Variants in MAPRE2 observed in about 807,000 individuals in gnomAD.
The protein encoded by MAPRE2 is microtubule associated protein RP/EB family member 2.
MAPRE2 carries 13 observed loss-of-function variants against 43.2 expected under a neutral mutation model. That is an observed-to-expected ratio of 0.30 (90% CI 0.20 to 0.48). The LOEUF is 0.48. MAPRE2 is among the 20% of genes least tolerant of loss of function. The pLI is 0.99. For missense variants in MAPRE2, 161 were observed against 400.2 expected, an observed-to-expected ratio of 0.40 and a Z score of 5.10; for synonymous variants, 135 against 148.8, an observed-to-expected ratio of 0.91 and a Z score of 0.68.
intron 1 of MAPRE2, among the ~76,000 whole-genome samples, chr18:35,053,413 T>TA (rs988626883): frequency 6.7e-6 from 1 of 148,994 alleles, no homozygotes; most frequent in Non-Finnish European, 1.5e-5. Flanking sequence ...AAAATAAAAA[T>TA]AAAAAAACAG....
At chr18:35,014,173 C>T (rs1054094246) in intron 2 of MAPRE2, among the ~76,000 whole-genome samples, 1 of 152,018 alleles carries the variant, frequency 6.6e-6, no homozygotes, top group African/African-American at 2.4e-5. Context: ...GGCTTCAATA[C>T]CTTCTATAAA....
intron 2 of MAPRE2, among the ~76,000 whole-genome samples, chr18:35,034,038 A>C (rs921447796): frequency 6.6e-6 from 1 of 152,122 alleles, no homozygotes; most frequent in Admixed American, 6.6e-5. Flanking sequence ...GGAACCAAAA[A>C]AGAGCCCACA....
chr18:35,121,648 A>G (rs1278248425), intron 4 of MAPRE2, among the ~76,000 whole-genome samples: 6 of 152,186 alleles, frequency 3.9e-5, no homozygotes, highest in African/African-American at 1.4e-4. Context: ...AAAAATCTAT[A>G]TCTGTATTAC....
At chr18:35,111,222 A>G (rs963987823) in intron 4 of MAPRE2, among the ~76,000 whole-genome samples, 2 of 151,894 alleles carry the variant, frequency 1.3e-5, no homozygotes, top group Non-Finnish European at 2.9e-5. Flanking sequence ...TCTTCATTCT[A>G]CTGTTGTAGA....
At chr18:35,040,861 T>C (rs1007106288), upstream of MAPRE2, among the ~76,000 whole-genome samples, 1 of 152,238 alleles carries the variant, frequency 6.6e-6, no homozygotes, top group Non-Finnish European at 1.5e-5. Flanking sequence ...AAATACAGCT[T>C]CCTTGTAGGT....
intron 1 of MAPRE2, among the ~76,000 whole-genome samples, chr18:35,044,500 G>A (rs1905522770): frequency 6.6e-6 from 1 of 152,202 alleles, no homozygotes; most frequent in Non-Finnish European, 1.5e-5. Context: ...AAAGTGCTGG[G>A]ATTACAGGCG....
At chr18:34,982,444 A>G (rs1443811836) in intron 1 of MAPRE2, among the ~76,000 whole-genome samples, 1 of 152,152 alleles carries the variant, frequency 6.6e-6, no homozygotes, top group African/African-American at 2.4e-5. Context: ...CTCTTCTTGC[A>G]GCATTCACCT....
intron 1 of MAPRE2, among the ~76,000 whole-genome samples, chr18:35,059,821 C>G (rs1242508306): frequency 1.3e-5 from 2 of 152,126 alleles, no homozygotes; most frequent in Non-Finnish European, 2.9e-5. Context: ...CCAGTTATCC[C>G]TAAGGATGAA....
intron 1 of MAPRE2, among the ~76,000 whole-genome samples, chr18:34,988,126 C>T (rs180847442): frequency 6.6e-6 from 1 of 152,250 alleles, no homozygotes; most frequent in East Asian, 1.9e-4. Context: ...TATACCAATA[C>T]CACATATTCA....
At chr18:35,043,821 C>T (rs1349410936) in intron 1 of MAPRE2, among the ~76,000 whole-genome samples, 2 of 152,104 alleles carry the variant, frequency 1.3e-5, no homozygotes, top group Non-Finnish European at 2.9e-5. Context: ...TGTTTTTCTT[C>T]TTCTGTTTTT....
intron 1 of MAPRE2, among the ~76,000 whole-genome samples, chr18:35,056,178 T>A (rs1462530506): frequency 1.3e-5 from 2 of 152,160 alleles, no homozygotes; most frequent in Admixed American, 6.5e-5. Context: ...CTACTTTAAG[T>A]TTGTTGTTAC....
intron 4 of MAPRE2, among the ~76,000 whole-genome samples, chr18:35,107,631 C>CT (rs1488873686): frequency 1.3e-5 from 2 of 152,028 alleles, no homozygotes; most frequent in Non-Finnish European, 2.9e-5. Context: ...AGGATGTAGT[C>CT]TTTTTTGGTC....
intron 2 of MAPRE2, among the ~76,000 whole-genome samples, chr18:35,028,778 C>T (rs557733026): frequency 3.3e-5 from 5 of 152,330 alleles, no homozygotes; most frequent in Middle Eastern, 3.4e-3. Context: ...GATTTCATTG[C>T]ATCATTGAAG....
At chr18:34,980,031 CTTTTTT>C (rs796434537) in intron 1 of MAPRE2, among the ~76,000 whole-genome samples, 15 of 46,128 alleles carry the variant, frequency 3.3e-4, no homozygotes, top group African/African-American at 7.9e-4. Flanking sequence ...TTCTTTTTTT[CTTTTTT>C]TTTTTTTTTT....
chr18:35,027,743 C>T (rs1031298806), intron 2 of MAPRE2, among the ~76,000 whole-genome samples: 3 of 152,138 alleles, frequency 2.0e-5, no homozygotes, highest in Admixed American at 1.3e-4. Context: ...TTAAAATAAC[C>T]ATTTGTCCTA....
At chr18:35,132,284 C>T (rs1868776230) in intron 6 of MAPRE2, 94 bp downstream of exon 6, 1 of 1,172,842 alleles carries the variant, frequency 8.5e-7, no homozygotes, top group South Asian at 1.5e-5. Flanking sequence ...TTCCCCAGGA[C>T]CTCAATGAGA....
intron 2 of MAPRE2, among the ~76,000 whole-genome samples, chr18:35,014,330 T>C (rs2097036763): frequency 6.6e-6 from 1 of 150,976 alleles, no homozygotes; most frequent in Non-Finnish European, 1.5e-5. Flanking sequence ...AGCATTGAGA[T>C]CCACTGGGTT....
chr18:34,985,305 T>TATATATTATTTTATATATATA (rs1555909504), intron 1 of MAPRE2, among the ~76,000 whole-genome samples: 1 of 19,882 alleles, frequency 5.0e-5, no homozygotes, highest in Non-Finnish European at 7.8e-5. Context: ...TTATATATTG[T>TATATATTATTTTATATATATA]ATATATTATA....
chr18:35,004,867 G>A (rs2097031049), intron 1 of MAPRE2, among the ~76,000 whole-genome samples: 1 of 150,374 alleles, frequency 6.7e-6, no homozygotes, highest in Non-Finnish European at 1.5e-5. Context: ...GCAGTGAGCC[G>A]AGATCGCGCC....
Sources: gnomAD v4.1 joint callset for allele counts (sites outside exome capture counted in the v4.1 genomes callset) on GRCh38, gnomAD v4.1.1 for gene constraint, MANE v1.5 for transcripts, NCBI Gene and HGNC (gene_info 2026-07-23, HGNC 2026-07-21) for gene names.